Variants in TYR observed in about 807,000 individuals in gnomAD.
TYR encodes tyrosinase.
TYR carries 58 observed loss-of-function variants against 51.5 expected under a neutral mutation model. The ratio of observed to expected loss-of-function variants is 1.13; its 90% CI spans 0.91 to 1.40. The LOEUF is 1.40. TYR is among the 40% of genes most tolerant of loss of function. The pLI is 0.00. For missense variants in TYR, 732 were observed against 647.4 expected (o/e 1.13, Z -1.42); for synonymous variants, 263 against 235.2 (o/e 1.12, Z -1.08).
intron 3 of TYR, among the ~76,000 whole-genome samples, chr11:89,237,780 A>G (rs983153174): frequency 2.0e-5 from 3 of 152,020 alleles, no homozygotes; most frequent in African/African-American, 7.2e-5. Flanking sequence ...TTTAGGTAGT[A>G]TCAACATTTT....
At chr11:89,207,046 C>G (rs1288404525) in intron 2 of TYR, among the ~76,000 whole-genome samples, 1 of 151,850 alleles carries the variant, frequency 6.6e-6, no homozygotes, top group Non-Finnish European at 1.5e-5. Context: ...GTCAGTAATA[C>G]AAACTCAAAC....
At chr11:89,238,615 C>A (rs1023567563) in intron 3 of TYR, among the ~76,000 whole-genome samples, 1 of 152,104 alleles carries the variant, frequency 6.6e-6, no homozygotes, top group African/African-American at 2.4e-5. Context: ...CTAGGACTTA[C>A]AGTATTTGTT....
chr11:89,207,587 G>A (rs1439385657), intron 2 of TYR, among the ~76,000 whole-genome samples: 2 of 151,984 alleles, frequency 1.3e-5, no homozygotes, highest in African/African-American at 4.8e-5. Context: ...AATGTAGAAG[G>A]GAACATTTCT....
intron 2 of TYR, chr11:89,192,152 A>C: frequency 4.3e-6 from 1 of 235,216 alleles, no homozygotes; most frequent in Non-Finnish European, 8.5e-6. Context: ...TCTAACTCCT[A>C]AATATTTATC....
At chr11:89,268,705 A>G (rs1242601470) in intron 3 of TYR, among the ~76,000 whole-genome samples, 1 of 152,024 alleles carries the variant, frequency 6.6e-6, no homozygotes. Context: ...CTTAGATTCA[A>G]TTTAACCCTT....
intron 2 of TYR, among the ~76,000 whole-genome samples, chr11:89,193,993 A>C (rs57721314): frequency 0.062 from 9,489 of 152,182 alleles, 1,001 homozygotes; most frequent in African/African-American, 0.22. Context: ...ATAGCCACAG[A>C]ACAGTTTTCA....
chr11:89,243,089 C>A (rs1401475740), intron 3 of TYR, among the ~76,000 whole-genome samples: 1 of 152,130 alleles, frequency 6.6e-6, no homozygotes, highest in East Asian at 1.9e-4. Flanking sequence ...AACTATTCTT[C>A]AAAAATTTGT....
chr11:89,270,325 G>A (rs1944573561), intron 3 of TYR, among the ~76,000 whole-genome samples: 1 of 151,786 alleles, frequency 6.6e-6, no homozygotes, highest in Non-Finnish European at 1.5e-5. Context: ...CACCAAAGGG[G>A]CACCTTGACC....
At chr11:89,224,791 A>G (rs1439494472) in intron 2 of TYR, among the ~76,000 whole-genome samples, 1 of 152,190 alleles carries the variant, frequency 6.6e-6, no homozygotes, top group Non-Finnish European at 1.5e-5. Flanking sequence ...AGTGTTGCCA[A>G]CATGTATAAC....
intron 2 of TYR, among the ~76,000 whole-genome samples, chr11:89,198,419 G>A (rs115309872): frequency 2.3e-4 from 35 of 152,224 alleles, no homozygotes; most frequent in African/African-American, 7.9e-4. Flanking sequence ...CTGACTCCGA[G>A]AGAGGCAGAA....
At chr11:89,290,957 C>T (rs1320970610) in intron 4 of TYR, among the ~76,000 whole-genome samples, 6 of 151,998 alleles carry the variant, frequency 3.9e-5, no homozygotes, top group South Asian at 2.1e-4. Context: ...ATATTCAGTA[C>T]GGACTTCCTC....
At position 89,295,200 on chromosome 11, in the gene TYR, G is replaced by C. The variant is rs140494827; in HGVS notation, c.1424G>C (p.Trp475Ser). 1.2e-6 allele frequency: 2 copies of C among 1,613,884 alleles called. No homozygotes were observed. The highest frequency in any genetic ancestry group is 1.3e-5 in the African/African-American group (1 of 74,942). ...TATTTGGAACAAGCGAGTCGGATCT[G>C]GTCATGGCTCCTTGGGGCGGCGATG... ...KSYLEQASRI[W>S]SWLLGAAMVG... The change falls in exon 5 of 5, where the codon TGG becomes TCG. Residue 475 changes from tryptophan (W) to serine (S), a missense_variant. Physicochemically the swap from Trp to Ser is radical, Grantham distance 177. Transcript: ENST00000263321.
In TYR at chr11:89,192,357, G is replaced by A. The variant is rs781439728; in HGVS notation, c.1036+939G>A. Among the ~76,000 whole-genome samples, 7 of 152,066 alleles carry A rather than the reference G, an allele frequency of 4.6e-5. No individual in the cohort carries two copies. The South Asian group carries it at 1.2e-3, about 27-fold the overall frequency. On this transcript the variant is annotated intron_variant, in intron 2 of 4. Coordinates refer to ENST00000263321, the MANE Select transcript of TYR (RefSeq NM_000372.5). ...CAAGTCACAAATTTACCAGGAGTTTGGGGAAGACATAGGCACTGACTTGTG... is the reference window on the plus strand; with the variant it reads ...CAAGTCACAAATTTACCAGGAGTTTAGGGAAGACATAGGCACTGACTTGTG...
chr11:89,261,069 T>A (rs1027800819), intron 3 of TYR, among the ~76,000 whole-genome samples: 2 of 152,070 alleles, frequency 1.3e-5, no homozygotes, highest in African/African-American at 4.8e-5. Flanking sequence ...AATATTATCT[T>A]CTATGAAACC....
At chr11:89,222,386 A>T (rs2135277801) in intron 2 of TYR, among the ~76,000 whole-genome samples, 1 of 152,230 alleles carries the variant, frequency 6.6e-6, no homozygotes, top group Non-Finnish European at 1.5e-5. Context: ...AACAAACATA[A>T]ACTTTTCAGA....
intron 2 of TYR, among the ~76,000 whole-genome samples, chr11:89,191,863 G>T (rs1478448296): frequency 6.6e-6 from 1 of 152,034 alleles, no homozygotes; most frequent in Non-Finnish European, 1.5e-5. Context: ...GCAACCTAAT[G>T]GTGAGTAAAG....
At chr11:89,195,249 A>G (rs1273642393) in intron 2 of TYR, among the ~76,000 whole-genome samples, 2 of 152,224 alleles carry the variant, frequency 1.3e-5, no homozygotes, top group African/African-American at 4.8e-5. Context: ...TTCCCATGGA[A>G]CAAAATATTC....
At chr11:89,192,205 C>G (rs946888573) in intron 2 of TYR, among the ~76,000 whole-genome samples, 2 of 152,126 alleles carry the variant, frequency 1.3e-5, no homozygotes, top group African/African-American at 4.8e-5. Context: ...ATTCAAACAT[C>G]GATTCATTCT....
At chr11:89,190,782 C>A (rs1943432497) in intron 1 of TYR, among the ~76,000 whole-genome samples, 1 of 151,958 alleles carries the variant, frequency 6.6e-6, no homozygotes, top group South Asian at 2.1e-4. Flanking sequence ...CCTGTATATA[C>A]AAGTATGCCA....
Sources: gnomAD v4.1 joint callset for allele counts (sites outside exome capture counted in the v4.1 genomes callset) on GRCh38, gnomAD v4.1.1 for gene constraint, MANE v1.5 for transcripts, NCBI Gene and HGNC (gene_info 2026-07-23, HGNC 2026-07-21) for gene names.